The following APBA1 variants were observed in gnomAD, a reference collection of about 807,000 sequenced individuals.
APBA1 encodes amyloid beta precursor protein binding family A member 1, also known as amyloid-beta A4 precursor protein-binding family A member 1.
A neutral mutation model predicts 86.6 loss-of-function variants in APBA1; 55 were observed. The observed-to-expected ratio is 0.64, with a 90% CI of 0.51 to 0.80. APBA1 has a LOEUF of 0.80. Among genes scored for constraint, APBA1 ranks in the 30% least tolerant of loss-of-function variants. APBA1 has a pLI of 0.00. For synonymous variants in APBA1, 511 were observed against 493.9 expected (o/e 1.03, Z -0.46); for missense variants, 1,090 against 1,183.0 (o/e 0.92, Z 1.15).
At chr9:69,458,255 A>C in intron 5 of APBA1, 67 bp from the exon 6 acceptor site, 4 of 1,474,534 alleles carry the variant, frequency 2.7e-6, no homozygotes, top group Non-Finnish European at 3.7e-6. Flanking sequence ...CTCAAAGTCA[A>C]AAAGGGAATT....
chr9:69,548,944 G>A (rs997912184), intron 1 of APBA1, among the ~76,000 whole-genome samples: 1 of 152,236 alleles, frequency 6.6e-6, no homozygotes, highest in African/African-American at 2.4e-5. Context: ...CAGGACAGCT[G>A]AAGCCCTGAA....
intron 1 of APBA1, among the ~76,000 whole-genome samples, chr9:69,564,534 A>G (rs1211881617): frequency 6.6e-6 from 1 of 152,204 alleles, no homozygotes; most frequent in Non-Finnish European, 1.5e-5. Flanking sequence ...TCATGCTGTC[A>G]ATCTGTCAAT....
intron 1 of APBA1, among the ~76,000 whole-genome samples, chr9:69,542,308 A>G (rs1480952153): frequency 6.6e-6 from 1 of 152,226 alleles, no homozygotes; most frequent in South Asian, 2.1e-4. Context: ...GAGTTCGCGC[A>G]TGATGTACAC....
chr9:69,559,951 G>A (rs1026935921), intron 1 of APBA1, among the ~76,000 whole-genome samples: 2 of 152,082 alleles, frequency 1.3e-5, no homozygotes, highest in African/African-American at 4.8e-5. Context: ...AGTAGTTTTG[G>A]CCCCCACACC....
chr9:69,630,406 G>A (rs1476460808), intron 1 of APBA1, among the ~76,000 whole-genome samples: 1 of 152,120 alleles, frequency 6.6e-6, no homozygotes, highest in East Asian at 1.9e-4. Flanking sequence ...CTGCTCATCA[G>A]TTTCAAACAC....
chr9:69,548,272 C>T (rs377173197), intron 1 of APBA1, among the ~76,000 whole-genome samples: 1 of 152,190 alleles, frequency 6.6e-6, no homozygotes, highest in South Asian at 2.1e-4. Flanking sequence ...CAGGGACCTA[C>T]ATTTTGCCAA....
At position 69,517,168 on chromosome 9, in the gene APBA1, C is replaced by G; in HGVS notation, c.43G>C (p.Glu15Gln). Residue 15 changes from glutamate (E) to glutamine (Q), a missense_variant, in exon 2 of 13, where the codon GAG (glutamate) becomes CAG (glutamine). By Grantham distance (29) the Glu-to-Gln change is conservative (BLOSUM62 2). Transcript: ENST00000265381. ...TCGTTCACCTCCCCACCTGCCGCCT[C>G]GTCGGTCACCTCCACCTCCGCAGAC... Reference protein sequence around the residue: ...EGSAEVEVTDEAAGGEVNESV... With the variant: ...EGSAEVEVTDQAAGGEVNESV... 1 of 1,554,246 alleles carries G rather than the reference C, an allele frequency of 6.4e-7. No homozygotes were observed. The highest frequency in any genetic ancestry group is 8.7e-7 in the Non-Finnish European group (1 of 1,150,966).
intron 1 of APBA1, among the ~76,000 whole-genome samples, chr9:69,590,344 A>T (rs958500190): frequency 1.3e-5 from 2 of 152,208 alleles, no homozygotes; most frequent in Non-Finnish European, 2.9e-5. Flanking sequence ...GCGAGGAAAC[A>T]GTATCCTGTG....
At chr9:69,488,050 G>A (rs886375729) in intron 2 of APBA1, among the ~76,000 whole-genome samples, 1 of 152,158 alleles carries the variant, frequency 6.6e-6, no homozygotes, top group Non-Finnish European at 1.5e-5. Context: ...GAAAGTTGGA[G>A]TCTTTCTCAA....
intron 10 of APBA1, among the ~76,000 whole-genome samples, chr9:69,443,286 A>G (rs1042664113): frequency 5.3e-5 from 8 of 152,188 alleles, no homozygotes; most frequent in African/African-American, 1.9e-4. Flanking sequence ...TTTTGCGAAC[A>G]ACTGTTGTGG....
chr9:69,436,959 T>C (rs1684089934), intron 11 of APBA1, among the ~76,000 whole-genome samples: 2 of 152,150 alleles, frequency 1.3e-5, no homozygotes, highest in African/African-American at 4.8e-5. Context: ...CATCAATACC[T>C]AATTTATTGA....
intron 6 of APBA1, 93 bp downstream of exon 6, chr9:69,458,063 G>T (rs1835128480): frequency 3.0e-6 from 4 of 1,319,288 alleles, no homozygotes; most frequent in Admixed American, 2.5e-5. Context: ...GCTGGATGCA[G>T]AAAACAAAAA....
chr9:69,561,909 G>A (rs115092032), intron 1 of APBA1, among the ~76,000 whole-genome samples: 4,100 of 152,224 alleles, frequency 0.027, 84 homozygotes, highest in African/African-American at 0.051. Flanking sequence ...TTACAGGCAT[G>A]AGCCACTGCG....
chr9:69,614,268 A>G (rs1450839511), intron 1 of APBA1, among the ~76,000 whole-genome samples: 4 of 152,182 alleles, frequency 2.6e-5, no homozygotes, highest in Admixed American at 6.5e-5. Flanking sequence ...TTTTTGACCT[A>G]GAATTAACTT....
chr9:69,668,316 A>T (rs942999371), intron 1 of APBA1, among the ~76,000 whole-genome samples: 3 of 152,060 alleles, frequency 2.0e-5, no homozygotes, highest in Non-Finnish European at 2.9e-5. Context: ...AAATGACCCA[A>T]CTGCTCTCTC....
chr9:69,456,878 G>A (rs1162273726), intron 7 of APBA1, among the ~76,000 whole-genome samples, 175 bp downstream of exon 7: 1 of 152,108 alleles, frequency 6.6e-6, no homozygotes, highest in Non-Finnish European at 1.5e-5. Context: ...CTTTAAGAAA[G>A]CAATCCCAAA....
chr9:69,642,311 A>G (rs1303728631), intron 1 of APBA1, among the ~76,000 whole-genome samples: 1 of 152,216 alleles, frequency 6.6e-6, no homozygotes, highest in African/African-American at 2.4e-5. Flanking sequence ...AAAAGATTTA[A>G]ACAGATGCTT....
chr9:69,567,225 GA>G (rs1355326670), intron 1 of APBA1, among the ~76,000 whole-genome samples: 1 of 152,140 alleles, frequency 6.6e-6, no homozygotes, highest in African/African-American at 2.4e-5. Flanking sequence ...GCTCCTGAAA[GA>G]TGGGCAGACA....
intron 1 of APBA1, among the ~76,000 whole-genome samples, chr9:69,642,869 A>C (rs1204302119): frequency 1.3e-5 from 2 of 151,604 alleles, no homozygotes; most frequent in Non-Finnish European, 2.9e-5. Context: ...TTGAACTGCA[A>C]CTCTTCCCTG....
Sources: allele counts gnomAD v4.1 joint callset (sites outside exome capture counted in the v4.1 genomes callset), GRCh38; gene constraint gnomAD v4.1.1; transcripts MANE v1.5; gene names NCBI Gene and HGNC (gene_info 2026-07-23, HGNC 2026-07-21).